Variants in RRAGB observed in about 807,000 individuals in gnomAD.
The protein encoded by RRAGB is ras-related GTP-binding protein B.
A neutral mutation model predicts 29.3 loss-of-function variants in RRAGB; 6 were observed. That is an observed-to-expected ratio of 0.21 (90% confidence interval 0.11 to 0.40). The LOEUF (loss-of-function observed/expected upper bound fraction) is 0.40. RRAGB is among the 10% of genes least tolerant of loss of function. The pLI is 1.00. For synonymous variants in RRAGB, 101 were observed against 92.5 expected (o/e 1.09, Z -0.53); for missense variants, 184 against 272.9 (o/e 0.67, Z 2.29).
chrX:55,721,957 A>G (rs1471469990), intron 2 of RRAGB, among the ~76,000 whole-genome samples: 1 of 112,758 alleles, frequency 8.9e-6, no homozygotes, highest in Non-Finnish European at 1.9e-5. Flanking sequence ...TCTGTCACCT[A>G]AAGGATGTAT....
chrX:55,745,372 G>A (rs965833473), intron 5 of RRAGB, among the ~76,000 whole-genome samples: 1 of 112,446 alleles, frequency 8.9e-6, no homozygotes, highest in East Asian at 2.8e-4. Context: ...GTGTACTTAT[G>A]GTGGGCCTTA....
intron 5 of RRAGB, among the ~76,000 whole-genome samples, chrX:55,741,673 GAC>G (rs751994158): frequency 2.2e-4 from 25 of 111,592 alleles, no homozygotes; most frequent in Non-Finnish European, 3.8e-4. Context: ...GACAGGAAGA[GAC>G]ACACACACGC....
intron 2 of RRAGB, among the ~76,000 whole-genome samples, chrX:55,721,389 G>A (rs1333325543): frequency 8.9e-6 from 1 of 112,239 alleles, no homozygotes; most frequent in Non-Finnish European, 1.9e-5. Context: ...TTGCAAAAAT[G>A]ATTACTGAAC....
chrX:55,754,372 T>C (rs1349500860), intron 7 of RRAGB, among the ~76,000 whole-genome samples: 1 of 112,992 alleles, frequency 8.9e-6, no homozygotes, highest in Non-Finnish European at 1.9e-5. Context: ...AAAACCAGTA[T>C]TGTATTTGTA....
chrX:55,724,154 C>T (rs1370501770), intron 3 of RRAGB, among the ~76,000 whole-genome samples: 1 of 111,815 alleles, frequency 8.9e-6, no homozygotes, highest in African/African-American at 3.3e-5. Flanking sequence ...GTTCAAATTC[C>T]CTTTCAGATA....
intron 5 of RRAGB, among the ~76,000 whole-genome samples, chrX:55,738,483 C>T (rs1176813368): frequency 8.9e-6 from 1 of 112,366 alleles, no homozygotes; most frequent in African/African-American, 3.2e-5. Flanking sequence ...GAAAGATTTC[C>T]CTGGCTAAAA....
intron 6 of RRAGB, among the ~76,000 whole-genome samples, chrX:55,752,026 C>T: frequency 9.0e-6 from 1 of 110,505 alleles, no homozygotes; most frequent in Non-Finnish European, 1.9e-5. Flanking sequence ...TGACAAGTAT[C>T]TACAACCAGA....
chrX:55,727,263 T>C, intron 3 of RRAGB: 1 of 1,139,672 alleles, frequency 8.8e-7, no homozygotes, highest in East Asian at 3.2e-5. Context: ...CTTTTGTTAT[T>C]GTCTTTCCCT....
chrX:55,757,187 T>C, intron 8 of RRAGB, 29 bp from the exon 9 acceptor site: 1 of 869,726 alleles, frequency 1.1e-6, no homozygotes, highest in African/African-American at 1.9e-5. Context: ...TATTTCATTC[T>C]TTAACCTCTC....
intron 5 of RRAGB, among the ~76,000 whole-genome samples, chrX:55,738,869 C>T (rs1157511278): frequency 1.8e-5 from 2 of 111,936 alleles, no homozygotes; most frequent in Non-Finnish European, 3.8e-5. Context: ...AGGGGCAAAC[C>T]GGGTTTGGGC....
At chrX:55,719,196 G>A in intron 1 of RRAGB, 118 bp from the exon 2 acceptor site, 2 of 600,329 alleles carry the variant, frequency 3.3e-6, no homozygotes, top group Non-Finnish European at 5.2e-6. Context: ...ACACACAGCT[G>A]TACTCAGCCG....
intron 8 of RRAGB, among the ~76,000 whole-genome samples, chrX:55,756,135 G>T (rs773255645): frequency 8.9e-6 from 1 of 111,732 alleles, no homozygotes; most frequent in South Asian, 3.8e-4. Context: ...GTACAGAAGT[G>T]TATGAAAAAT....
intron 1 of RRAGB, 28 bp from the exon 2 acceptor site, chrX:55,719,286 G>A (rs1460057318): frequency 8.6e-7 from 1 of 1,166,394 alleles, no homozygotes; most frequent in South Asian, 1.9e-5. Context: ...TTGGATCATG[G>A]AAACTGTTTT....
rs2033117139 is a variant in RRAGB, at chrX:55,718,082, G to C, written c.-246G>C. 3.7e-6 allele frequency: 1 copy of C among 271,889 alleles called. No homozygotes were observed. The highest frequency in any genetic ancestry group is 2.0e-4 in the South Asian group (1 of 4,932). The allele number at this position is 271,889 out of a possible 1,213,427, so 22.4% of individuals were successfully genotyped here. A position where few individuals can be genotyped will look rare whatever the true frequency, so the allele number is the denominator to read the frequency against. ...TTCTCCAACTCTTACTTTGTACCAC[G>C]GAATCACTTGGCCTTAAAGCTAGCC... is the stretch of plus-strand genomic sequence containing the variant. On this transcript the variant is annotated 5_prime_UTR_variant, in exon 1 of 10. Coordinates refer to ENST00000374941, the MANE Select transcript of RRAGB (RefSeq NM_006064.5).
chrX:55,731,611 C>T (rs1409863455), intron 5 of RRAGB, 25 bp downstream of exon 5: 1 of 1,025,833 alleles, frequency 9.7e-7, no homozygotes. Context: ...AAGTGCTGCA[C>T]CAAATGCTCG....
chrX:55,728,420 G>A (rs911159242), intron 3 of RRAGB, among the ~76,000 whole-genome samples: 1 of 111,163 alleles, frequency 9.0e-6, no homozygotes, highest in Non-Finnish European at 1.9e-5. Context: ...AAAGTATTTT[G>A]GGGGTTGGGG....
Position 55,752,799 on chromosome X carries a change from A to G in RRAGB, c.613-593A>G, listed in dbSNP as rs149406449. 2.9e-3 allele frequency among the ~76,000 whole-genome samples: 327 copies of G among 112,290 alleles called. 1 individual carries two copies. Among genetic ancestry groups the G allele is most frequent in the African/African-American group, 1.0e-2 (309 of 30,902 alleles). ...TCCTGGATGAAGTCAGTTTTAGGCA[A>G]AAACACAGTAGACCATTTTGAATTC... On this transcript the variant is annotated intron_variant, in intron 6 of 9. Coordinates refer to ENST00000374941, the MANE Select transcript of RRAGB (RefSeq NM_006064.5).
At chrX:55,749,410 T>TG (rs1218025468) in intron 5 of RRAGB, among the ~76,000 whole-genome samples, 14 of 69,777 alleles carry the variant, frequency 2.0e-4, no homozygotes, top group African/African-American at 4.7e-4. Context: ...GGGAGGGAGG[T>TG]GGGGGGGTCA....
chrX:55,753,567 C>T, intron 7 of RRAGB, 53 bp downstream of exon 7: 1 of 1,098,084 alleles, frequency 9.1e-7, no homozygotes, highest in African/African-American at 1.8e-5. Flanking sequence ...TCTTTGTTTT[C>T]AGCAACAGAG....
Sources: gnomAD v4.1 joint callset for allele counts (sites outside exome capture counted in the v4.1 genomes callset) on GRCh38, gnomAD v4.1.1 for gene constraint, MANE v1.5 for transcripts, NCBI Gene and HGNC (gene_info 2026-07-23, HGNC 2026-07-21) for gene names.